The following LRP1B variants were observed in gnomAD, a reference collection of about 807,000 sequenced individuals.
LRP1B encodes the protein LDL receptor related protein 1B, also known as low-density lipoprotein receptor-related protein 1B.
In LRP1B, 217 loss-of-function variants were observed where a neutral mutation model predicts 556.6. The ratio of observed to expected loss-of-function variants is 0.39; its 90% CI spans 0.35 to 0.44. The LOEUF (loss-of-function observed/expected upper bound fraction) is 0.44. LRP1B is among the 20% of genes least tolerant of loss of function. LRP1B has a pLI of 1.00. For missense variants in LRP1B, 5,053 were observed against 5,620.8 expected (o/e 0.90, Z 3.23); for synonymous variants, 2,047 against 1,865.8 (o/e 1.10, Z -2.50).
chr2:141,578,279 C>A, intron 2 of LRP1B, among the ~76,000 whole-genome samples: 1 of 152,014 alleles, frequency 6.6e-6, no homozygotes, highest in Admixed American at 6.6e-5. Context: ...GCCTGTTAAT[C>A]CCTGTTACTC....
In LRP1B at chr2:141,586,905, G is replaced by C. The variant is rs956360685; in HGVS notation, c.206-106372C>G. ...TGCAGTGAGCCGAGATCGTGCCACT[G>C]CACTCCAGCCTGGGCGACAGAGTGA... On this transcript the variant is annotated intron_variant, in intron 2 of 90. Transcript: ENST00000389484. Among the ~76,000 whole-genome samples the C allele has an allele frequency of 3.8e-4, 55 of 145,392 alleles. 1 individual carries two copies. The highest frequency in any genetic ancestry group is 1.4e-3 in the African/African-American group (55 of 39,592).
chr2:140,933,633 G>A (rs1205916652), intron 20 of LRP1B, among the ~76,000 whole-genome samples: 3 of 152,040 alleles, frequency 2.0e-5, no homozygotes, highest in Non-Finnish European at 4.4e-5. Flanking sequence ...AACAAGGGAT[G>A]TTACTCTGAT....
rs576968141 is a variant in LRP1B, at chr2:140,866,478, A to T, written c.4579+1112T>A. ...ATAAGGTGAAAGAAGTCAAGAGTAG[A>T]AGAAAAAAATTAAAGTTATTGCTCA... On this transcript the variant is annotated intron_variant, in intron 27 of 90. Coordinates refer to ENST00000389484, the MANE Select transcript of LRP1B (RefSeq NM_018557.3). Among the ~76,000 whole-genome samples the T allele has an allele frequency of 4.3e-4, 65 of 152,248 alleles. 1 individual carries two copies. The highest frequency in any genetic ancestry group is 2.3e-3 in the Admixed American group (35 of 15,260).
At chr2:140,746,741 T>G (rs944684371) in intron 35 of LRP1B, among the ~76,000 whole-genome samples, 8 of 152,096 alleles carry the variant, frequency 5.3e-5, no homozygotes, top group Non-Finnish European at 1.0e-4. Flanking sequence ...GTTAAAGGCT[T>G]TTAGTCAGAT....
At chr2:141,577,274 TC>T (rs1443437776) in intron 2 of LRP1B, among the ~76,000 whole-genome samples, 1 of 152,186 alleles carries the variant, frequency 6.6e-6, no homozygotes, top group East Asian at 1.9e-4. Flanking sequence ...GTGTGTTGTT[TC>T]TTTTGCTGTA....
intron 3 of LRP1B, among the ~76,000 whole-genome samples, chr2:141,255,314 A>T (rs1040742511): frequency 1.3e-5 from 2 of 152,064 alleles, no homozygotes; most frequent in Admixed American, 6.6e-5. Context: ...GGATAGAAGC[A>T]TGACTGTCTG....
chr2:141,633,499 G>A (rs534934182), intron 2 of LRP1B, among the ~76,000 whole-genome samples: 3 of 152,116 alleles, frequency 2.0e-5, no homozygotes, highest in African/African-American at 7.2e-5. Flanking sequence ...AATGTTTTCT[G>A]ATTATTTCTT....
At chr2:142,033,651 A>C (rs907493581) in intron 1 of LRP1B, among the ~76,000 whole-genome samples, 2 of 151,524 alleles carry the variant, frequency 1.3e-5, no homozygotes, top group African/African-American at 4.8e-5. Context: ...TCCTTCTATA[A>C]ATGGGTTTAG....
intron 86 of LRP1B, among the ~76,000 whole-genome samples, chr2:140,250,702 G>A (rs1404986949): frequency 6.6e-6 from 1 of 151,422 alleles, no homozygotes; most frequent in African/African-American, 2.4e-5. Context: ...CAGATTCTGG[G>A]GCCCCATATA....
At chr2:140,399,177 A>ACACACACACACACACACACACACACACAC (rs1339240699) in intron 66 of LRP1B, among the ~76,000 whole-genome samples, 5 of 120,134 alleles carry the variant, frequency 4.2e-5, no homozygotes, top group Non-Finnish European at 9.2e-5. Flanking sequence ...ACACACACAC[A>ACACACACACACACACACACACACACACAC]CACACACACA....
At chr2:141,924,821 A>T (rs1020954148) in intron 1 of LRP1B, among the ~76,000 whole-genome samples, 4 of 152,210 alleles carry the variant, frequency 2.6e-5, no homozygotes, top group African/African-American at 9.6e-5. Flanking sequence ...AGGGGGAAGA[A>T]TCACAGGTTT....
intron 18 of LRP1B, among the ~76,000 whole-genome samples, chr2:140,963,549 C>T (rs573377499): frequency 6.6e-6 from 1 of 152,126 alleles, no homozygotes; most frequent in Non-Finnish European, 1.5e-5. Flanking sequence ...AAATATCTGT[C>T]AGCATCATAA....
intron 43 of LRP1B, among the ~76,000 whole-genome samples, chr2:140,543,324 A>C (rs1350863456): frequency 6.6e-6 from 1 of 152,064 alleles, no homozygotes; most frequent in East Asian, 1.9e-4. Context: ...AATTTAAAAA[A>C]ATAGAAGACA....
At chr2:141,121,930 C>T (rs1034717332) in intron 7 of LRP1B, among the ~76,000 whole-genome samples, 1 of 151,956 alleles carries the variant, frequency 6.6e-6, no homozygotes, top group Non-Finnish European at 1.5e-5. Flanking sequence ...CAGAGCAGAG[C>T]CCTCAGAAAT....
intron 2 of LRP1B, among the ~76,000 whole-genome samples, chr2:141,578,225 C>T (rs1430468397): frequency 6.6e-6 from 1 of 151,654 alleles, no homozygotes; most frequent in African/African-American, 2.4e-5. Context: ...GAAATCCTGC[C>T]TCTACTAAAA....
At chr2:141,196,312 C>T (rs868295963) in intron 6 of LRP1B, among the ~76,000 whole-genome samples, 6 of 151,956 alleles carry the variant, frequency 3.9e-5, no homozygotes, top group African/African-American at 7.2e-5. Flanking sequence ...CTCTATAAGA[C>T]GTTTCTATTA....
intron 84 of LRP1B, among the ~76,000 whole-genome samples, chr2:140,286,612 C>T (rs113198792): frequency 0.04 from 6,149 of 151,890 alleles, 203 homozygotes; most frequent in African/African-American, 0.097. Context: ...GAAGTAAGCC[C>T]AGTCATAAAA....
intron 2 of LRP1B, among the ~76,000 whole-genome samples, chr2:141,602,861 CTGGT>C (rs1434708193): frequency 2.0e-5 from 3 of 152,172 alleles, no homozygotes; most frequent in African/African-American, 7.2e-5. Flanking sequence ...TCATAACTAA[CTGGT>C]TGATGTTAAT....
At chr2:141,436,003 A>G (rs1449574173) in intron 3 of LRP1B, among the ~76,000 whole-genome samples, 2 of 152,156 alleles carry the variant, frequency 1.3e-5, no homozygotes, top group Non-Finnish European at 2.9e-5. Flanking sequence ...TTTCCATAAC[A>G]TGGAGCTGAA....
Sources: gnomAD v4.1 joint callset for allele counts (sites outside exome capture counted in the v4.1 genomes callset) on GRCh38, gnomAD v4.1.1 for gene constraint, MANE v1.5 for transcripts, NCBI Gene and HGNC (gene_info 2026-07-23, HGNC 2026-07-21) for gene names.